POLN: variants seen among roughly 807,000 people sequenced by gnomAD.
POLN encodes DNA polymerase nu.
Under a neutral mutation model 113.5 loss-of-function variants are expected in POLN, and 108 were observed. The ratio of observed to expected loss-of-function variants is 0.95; its 90% CI spans 0.81 to 1.12. The LOEUF (loss-of-function observed/expected upper bound fraction) is 1.12, where lower values mean the gene tolerates loss of function less well. Ranked by LOEUF, POLN falls within the 50% of genes most tolerant of loss-of-function variation. The pLI, the probability that POLN is intolerant of heterozygous loss-of-function variation, is 0.00. For synonymous variants in POLN, 386 were observed against 391.5 expected (o/e 0.99, Z 0.17); for missense variants, 1,097 against 1,077.1 (o/e 1.02, Z -0.26).
chr4:2,128,123 T>A lies in POLN; in HGVS notation c.1972A>T (p.Thr658Ser). ...GTTCATATATCTTACCACTGTGAAG[T>A]CAGAGTAGAAAATACATCATCTCTT... ...SERDDVFSTLTSQWKDVPVEQ... is the reference protein window; with the variant it reads ...SERDDVFSTLSSQWKDVPVEQ... Residue 658 changes from threonine to serine, a missense_variant, in exon 19 of 26, where the codon ACT (threonine) becomes TCT (serine). Physicochemically the swap from Thr to Ser is moderately conservative, Grantham distance 58. Transcript: ENST00000511885. The A allele has an allele frequency of 5.0e-6, 8 of 1,590,368 alleles. No homozygotes were observed. In the Admixed American group the frequency reaches 8.3e-5, roughly 17 times the overall value.
At chr4:2,147,643 C>CTTTTCTTTTTT (rs1553897842) in intron 16 of POLN, among the ~76,000 whole-genome samples, 23 of 79,364 alleles carry the variant, frequency 2.9e-4, no homozygotes, top group African/African-American at 7.0e-4. Context: ...TTTTTCTTTT[C>CTTTTCTTTTTT]TTTTTTTTTT....
rs183712475 is a variant in POLN, at chr4:2,080,947, C to T, written c.2387+11G>A. On this transcript the variant is annotated intron_variant, in intron 23 of 25. Transcript: ENST00000511885. Reference sequence around the variant, plus strand: ...TCCCATCCAAGCCCTGGGAGACCACCACCCACTGACCTGGCCGTCAAGGTG... The same window carrying T: ...TCCCATCCAAGCCCTGGGAGACCACTACCCACTGACCTGGCCGTCAAGGTG... 1 of 1,613,860 alleles carries T rather than the reference C, an allele frequency of 6.2e-7. No individual in the cohort carries two copies. Among genetic ancestry groups the T allele is most frequent in the East Asian group, 2.2e-5 (1 of 44,886 alleles).
intron 19 of POLN, among the ~76,000 whole-genome samples, chr4:2,104,182 A>G (rs542948188): frequency 6.6e-6 from 1 of 152,268 alleles, no homozygotes; most frequent in Non-Finnish European, 1.5e-5. Context: ...GCAATATGAC[A>G]GGAACAAAAC....
At chr4:2,240,542 C>CA (rs750861230) in intron 2 of POLN, 2 of 1,613,686 alleles carry the variant, frequency 1.2e-6, no homozygotes, top group East Asian at 2.2e-5. Flanking sequence ...CATTTAACCT[C>CA]AGAGATTTGT....
chr4:2,099,765 G>A (rs1213357156), intron 19 of POLN, among the ~76,000 whole-genome samples: 1 of 152,118 alleles, frequency 6.6e-6, no homozygotes, highest in East Asian at 1.9e-4. Context: ...AGGGAAGCAG[G>A]GGTGGGATAT....
intron 20 of POLN, among the ~76,000 whole-genome samples, chr4:2,088,219 T>G (rs1195701036): frequency 6.6e-6 from 1 of 152,112 alleles, no homozygotes; most frequent in East Asian, 1.9e-4. Context: ...AATAGAAAAA[T>G]TTTAGTATTT....
rs573791425 is a variant in POLN at position 2,127,368 on chromosome 4, C to CT, written c.1982+744dup. On this transcript the variant is annotated intron_variant, in intron 19 of 25. Coordinates refer to ENST00000511885, the MANE Select transcript of POLN (RefSeq NM_181808.4). The surrounding 1 kb of genome is among the most constrained non-coding windows in gnomAD (Gnocchi z 4.7). Reference sequence around the variant, plus strand: ...AGCCAAACACAATAATCCACTCCTCCTTTTTTCTGGAGTATAATCTCTCCA... The same window carrying CT: ...AGCCAAACACAATAATCCACTCCTCCTTTTTTTCTGGAGTATAATCTCTCCA... Among the ~76,000 whole-genome samples, 94 of 152,254 alleles carry CT rather than the reference C, an allele frequency of 6.2e-4. 1 individual carries two copies. In the Middle Eastern group the frequency reaches 0.014, roughly 22 times the overall value.
At chr4:2,091,702 AAC>A (rs1342411716) in intron 20 of POLN, among the ~76,000 whole-genome samples, 1 of 150,836 alleles carries the variant, frequency 6.6e-6, no homozygotes, top group Non-Finnish European at 1.5e-5. Context: ...ATCCTACACG[AAC>A]ACACAATTTG....
chr4:2,115,928 C>G (rs1374801314), intron 19 of POLN, among the ~76,000 whole-genome samples: 1 of 152,222 alleles, frequency 6.6e-6, no homozygotes, highest in Non-Finnish European at 1.5e-5. Flanking sequence ...TAGCTGTCAG[C>G]TTTTCAGACG....
At chr4:2,080,356 GCCA>G (rs1310684720) in intron 23 of POLN, 1 of 935,824 alleles carries the variant, frequency 1.1e-6, no homozygotes, top group Admixed American at 1.2e-4. Context: ...CTGGGGGGCA[GCCA>G]GGGCGGAGCC....
intron 2 of POLN, chr4:2,236,214 T>G (rs1233073429): frequency 6.6e-7 from 1 of 1,507,914 alleles, no homozygotes; most frequent in African/African-American, 1.4e-5. Context: ...TTAACTACTA[T>G]GGCAAATACC....
intron 5 of POLN, among the ~76,000 whole-genome samples, chr4:2,204,109 CAAAAAAAAAAAAA>C (rs566255148): frequency 3.8e-5 from 2 of 53,232 alleles, no homozygotes; most frequent in East Asian, 5.8e-4. Flanking sequence ...AACTCTATCA[CAAAAAAAAAAAAA>C]AAAAAAAAAA....
chr4:2,132,455 T>C (rs1217873085), intron 16 of POLN, among the ~76,000 whole-genome samples: 5 of 152,192 alleles, frequency 3.3e-5, no homozygotes, highest in Non-Finnish European at 7.3e-5. Context: ...AATTCTGAAA[T>C]TTAGTGAAAG....
At chr4:2,216,378 T>A (rs770184055) in intron 3 of POLN, among the ~76,000 whole-genome samples, 1 of 152,214 alleles carries the variant, frequency 6.6e-6, no homozygotes, top group Non-Finnish European at 1.5e-5. Context: ...CAGACCCATT[T>A]ATTACACAAA....
chr4:2,169,318 G>A (rs947836415), intron 13 of POLN, among the ~76,000 whole-genome samples: 1 of 152,252 alleles, frequency 6.6e-6, no homozygotes, highest in African/African-American at 2.4e-5. Flanking sequence ...TGTGAAGGAT[G>A]AGCAGCAGGG....
At chr4:2,111,565 C>T (rs1466378746) in intron 19 of POLN, among the ~76,000 whole-genome samples, 1 of 152,138 alleles carries the variant, frequency 6.6e-6, no homozygotes, top group African/African-American at 2.4e-5. Context: ...AATCAATGTG[C>T]AAAAATTACA....
At chr4:2,199,018 G>T (rs1170787986) in intron 5 of POLN, among the ~76,000 whole-genome samples, 4 of 152,134 alleles carry the variant, frequency 2.6e-5, no homozygotes, top group Non-Finnish European at 5.9e-5. Flanking sequence ...CAGATGGCAT[G>T]AATGTCTGTG....
chr4:2,122,200 C>G (rs1434702468), intron 19 of POLN, among the ~76,000 whole-genome samples: 1 of 152,136 alleles, frequency 6.6e-6, no homozygotes, highest in Non-Finnish European at 1.5e-5. Flanking sequence ...CAACAAAGCT[C>G]AAACCAAGAG....
intron 14 of POLN, 91 bp from the exon 15 acceptor site, chr4:2,158,002 A>G (rs934812323): frequency 2.1e-6 from 2 of 970,686 alleles, no homozygotes. Context: ...CCCAGGCTGG[A>G]GTGCAGTGGC....
Sources: gnomAD v4.1 joint callset for allele counts (sites outside exome capture counted in the v4.1 genomes callset) on GRCh38, gnomAD v4.1.1 for gene constraint, Gnocchi (gnomAD v3.1) non-coding constraint, MANE v1.5 for transcripts, NCBI Gene and HGNC (gene_info 2026-07-23, HGNC 2026-07-21) for gene names.